The following COL6A3 variants were observed in gnomAD, a reference collection of about 807,000 sequenced individuals.
The protein encoded by COL6A3 is collagen alpha-3(VI) chain.
A neutral mutation model predicts 274.1 loss-of-function variants in COL6A3; 137 were observed. That is an observed-to-expected ratio of 0.50 (90% confidence interval 0.44 to 0.58). COL6A3 has a LOEUF of 0.58. Among genes scored for constraint, COL6A3 ranks in the 20% least tolerant of loss-of-function variants. The probability of loss-of-function intolerance (pLI) is 0.00; values close to 1 mark genes in which losing one functional copy is unlikely to be tolerated. For synonymous variants in COL6A3, 1,650 were observed against 1,650.6 expected, an observed-to-expected ratio of 1.00 and a Z score of 0.01; for missense variants, 3,950 against 4,124.9, an observed-to-expected ratio of 0.96 and a Z score of 1.16.
rs80185031 is a variant in COL6A3 at position 237,372,562 on chromosome 2, T to A, written c.3680-225A>T. ...CGACGGAGGCAGAATCAGAAGAGCC[T>A]CATCAGCACCAGCGAGGATGGTACT... On this transcript the variant is annotated intron_variant, in intron 8 of 43. Coordinates refer to ENST00000295550, the MANE Select transcript of COL6A3 (RefSeq NM_004369.4). 0.012 allele frequency among the ~76,000 whole-genome samples: 1,783 copies of A among 152,254 alleles called. 35 individuals are homozygous for A. Among genetic ancestry groups the A allele is most frequent in the African/African-American group, 0.041 (1,699 of 41,544 alleles).
Position 237,340,691 on chromosome 2 carries a change from A to C in COL6A3, c.8225T>G (p.Met2742Arg). 6.2e-7 allele frequency: 1 copy of C among 1,614,218 alleles called. No individual in the cohort carries two copies. Among genetic ancestry groups the C allele is most frequent in the South Asian group, 1.1e-5 (1 of 91,086 alleles). The change falls in exon 38 of 44, where the codon ATG becomes AGG. Residue 2742 changes from methionine (M) to arginine (R), a missense_variant. By Grantham distance (91) the Met-to-Arg change is moderately conservative (BLOSUM62 -1). This residue lies in a region of COL6A3 where 1,284 missense variants were observed against 1,349.7 expected (regional missense o/e 0.95). Transcript: ENST00000295550. Reference sequence around the variant, plus strand: ...CTGCTCCGGCACCTCGCCCGTCAGCATCAGGACCACAATTTTCAGGTCCCG... The same window carrying C: ...CTGCTCCGGCACCTCGCCCGTCAGCCTCAGGACCACAATTTTCAGGTCCCG... ...NPRDLKIVVL[M>R]LTGEVPEQQL...
intron 7 of COL6A3, 127 bp downstream of exon 7, chr2:237,376,645 A>G (rs1574714326): frequency 1.1e-6 from 1 of 919,386 alleles, no homozygotes; most frequent in East Asian, 2.4e-5. Context: ...CCAGCAGGTG[A>G]TTAATTTTCC....
intron 13 of COL6A3, 55 bp from the exon 14 acceptor site, chr2:237,363,453 G>A (rs1221754884): frequency 3.8e-6 from 6 of 1,599,860 alleles, no homozygotes; most frequent in Non-Finnish European, 5.1e-6. Context: ...AAAATGCAAT[G>A]TCCTTTTTTC....
intron 32 of COL6A3, 124 bp from the exon 33 acceptor site, chr2:237,345,337 A>T: frequency 1.2e-6 from 1 of 857,908 alleles, no homozygotes; most frequent in Non-Finnish European, 2.0e-6. Context: ...GATTGTTTAC[A>T]GCCTCTCCCT....
At chr2:237,401,303 G>T (rs2078583000) in intron 1 of COL6A3, among the ~76,000 whole-genome samples, 1 of 152,148 alleles carries the variant, frequency 6.6e-6, no homozygotes, top group Non-Finnish European at 1.5e-5. Flanking sequence ...GTTCATTTCA[G>T]CATTATTTGT....
Position 237,341,003 on chromosome 2 carries a change from A to T in COL6A3, c.7913T>A (p.Met2638Lys). ...ETTTLFQFNE[M>K]KKYIAYLVRQ... ...GACCAGGTACGCTATGTACTTCTTC[A>T]TCTCATTGAACTGGAACAGGGTGGT... Residue 2638 changes from methionine (M) to lysine (K), a missense_variant, in exon 38 of 44, where the codon ATG becomes AAG. By Grantham distance (95) the Met-to-Lys change is moderately conservative. Coordinates refer to ENST00000295550, the MANE Select transcript of COL6A3 (RefSeq NM_004369.4). 1 of 1,614,140 alleles carries T rather than the reference A, an allele frequency of 6.2e-7. No individual in the cohort carries two copies. The highest frequency in any genetic ancestry group is 8.5e-7 in the Non-Finnish European group (1 of 1,180,026).
At position 237,348,655 on chromosome 2, in the gene COL6A3, G is replaced by A. The variant is rs762210213; in HGVS notation, c.6888C>T (p.Asp2296=). 6.6e-5 allele frequency: 106 copies of A among 1,613,898 alleles called. No individual in the cohort carries two copies. Among genetic ancestry groups the A allele is most frequent in the Non-Finnish European group, 8.3e-5 (98 of 1,179,958 alleles). ...NRGPRGETGD[D]GRDGVGSEGR... Reference sequence around the variant, plus strand: ...CTTCACTGCCAACTCCGTCTCTCCCGTCATCTCCCTAAGAGTGGGAAAGAG... The same window carrying A: ...CTTCACTGCCAACTCCGTCTCTCCCATCATCTCCCTAAGAGTGGGAAAGAG... The change falls in exon 29 of 44, where the codon GAC becomes GAT. Residue 2296 remains aspartate (D), a synonymous_variant. Coordinates refer to ENST00000295550, the MANE Select transcript of COL6A3 (RefSeq NM_004369.4).
At chr2:237,394,394 G>A (rs1470748120) in intron 3 of COL6A3, among the ~76,000 whole-genome samples, 193 bp downstream of exon 3, 1 of 152,218 alleles carries the variant, frequency 6.6e-6, no homozygotes, top group East Asian at 1.9e-4. Flanking sequence ...CTTCTTGTAT[G>A]TAGGTGAATG....
chr2:237,335,587 G>A (rs1700496990), intron 40 of COL6A3, among the ~76,000 whole-genome samples: 1 of 152,154 alleles, frequency 6.6e-6, no homozygotes, highest in South Asian at 2.1e-4. Context: ...TCAAGCTGCT[G>A]GACTGAACAC....
At position 237,381,134 on chromosome 2, in the gene COL6A3, T is replaced by C. The variant is rs747570600; in HGVS notation, c.1678A>G (p.Lys560Glu). The change falls in exon 5 of 44, where the codon AAG (lysine) becomes GAG (glutamate). Residue 560 changes from lysine to glutamate, a missense_variant. Coordinates refer to ENST00000295550, the MANE Select transcript of COL6A3 (RefSeq NM_004369.4). ...PKLLVLITGG[K>E]SLDEISQPAQ... is the part of the protein sequence containing the mutation. ...GGCTGGCTGATTTCATCTAGGGACT[T>C]ACCACCTGTGATCAGCACCAAAAGC... 4 of 1,614,262 alleles carry C rather than the reference T, an allele frequency of 2.5e-6. No homozygotes were observed. The highest frequency in any genetic ancestry group is 3.4e-6 in the Non-Finnish European group (4 of 1,180,050).
Position 237,341,197 on chromosome 2 carries a change from G to T in COL6A3, c.7766-47C>A, listed in dbSNP as rs575544658. 3.9e-6 allele frequency: 6 copies of T among 1,522,498 alleles called. No individual in the cohort carries two copies. The South Asian group carries it at 5.6e-5, about 14-fold the overall frequency. 94.3% of individuals were successfully genotyped at this position (1,522,498 alleles called of 1,614,324 possible). ...TATTTGTTCTGTGACACCCACAGCA[G>T]GATACACAGCTCATCAATCTGCTGG... On this transcript the variant is annotated intron_variant, in intron 37 of 43. Coordinates refer to ENST00000295550, the MANE Select transcript of COL6A3 (RefSeq NM_004369.4).
rs147027777 is a variant in COL6A3 at position 237,387,933 on chromosome 2, T to C, written c.961A>G (p.Asn321Asp). Residue 321 changes from asparagine (N) to aspartate (D), a missense_variant, in exon 4 of 44, where the codon AAT becomes GAT. By Grantham distance (23) the Asn-to-Asp change is conservative. Around this residue, in one of 5 missense-constraint regions of COL6A3, gnomAD observed 1,934 missense variants for 1,984.3 expected, o/e 0.97. Coordinates refer to ENST00000295550, the MANE Select transcript of COL6A3 (RefSeq NM_004369.4). ...ALGFAGGELANIGLALDFVVE... is the reference protein window; with the variant it reads ...ALGFAGGELADIGLALDFVVE... ...ACGAAATCAAGGGCGAGGCCGATAT[T>C]GGCCAACTCCCCACCAGCAAACCCG... The C allele has an allele frequency of 3.7e-6, 6 of 1,614,202 alleles. No homozygotes were observed. Among genetic ancestry groups the C allele is most frequent in the Non-Finnish European group, 5.1e-6 (6 of 1,180,030 alleles).
chr2:237,342,248 A>C, intron 36 of COL6A3, 87 bp from the exon 37 acceptor site: 1 of 1,003,820 alleles, frequency 1.0e-6, no homozygotes, highest in Non-Finnish European at 1.6e-6. Flanking sequence ...TCAAAGCTAC[A>C]TCAATAAAAT....
intron 5 of COL6A3, among the ~76,000 whole-genome samples, chr2:237,380,567 G>T (rs1385280274): frequency 1.3e-5 from 2 of 152,192 alleles, no homozygotes; most frequent in Non-Finnish European, 2.9e-5. Flanking sequence ...GTGATGAGGA[G>T]GAGACTGGAC....
In COL6A3 at chr2:237,387,882, CT is replaced by C. The variant is rs755986884; in HGVS notation, c.1011del (p.Gly339AlafsTer15). On this transcript the variant is annotated frameshift_variant, in exon 4 of 44. Coordinates refer to ENST00000295550, the MANE Select transcript of COL6A3 (RefSeq NM_004369.4). LOFTEE classifies it high-confidence loss of function. ...DFVVENHFTRAGGSRVEEGVP... is the reference protein window; with the variant it reads ...DFVVENHFTRXGGSRVEEGVP... ...ACCCCTTCCTCCACGCGGCTGCCCC[CT>C]GCCCGGGTGAAGTGGTTCTCCACCA... The C allele has an allele frequency of 2.5e-6, 4 of 1,614,130 alleles. No homozygotes were observed. Among genetic ancestry groups the C allele is most frequent in the Non-Finnish European group, 3.4e-6 (4 of 1,179,996 alleles).
At chr2:237,385,736 C>T (rs150631054) in intron 4 of COL6A3, among the ~76,000 whole-genome samples, 6 of 152,290 alleles carry the variant, frequency 3.9e-5, no homozygotes, top group South Asian at 2.1e-4. Context: ...AGTCACAAAA[C>T]GGCACCATGA....
Position 237,350,174 on chromosome 2 carries a change from G to T in COL6A3, c.6852C>A (p.Ile2284=), listed in dbSNP as rs374952003. 1 of 1,614,000 alleles carries T rather than the reference G, an allele frequency of 6.2e-7. No homozygotes were observed. Among genetic ancestry groups the T allele is most frequent in the Admixed American group, 1.7e-5 (1 of 59,994 alleles). The stretch of plus-strand genomic sequence containing the variant: ...TCTCCCCACGAGGGCCCCGGTTCCC[G>T]ATTCCTCCTTTTGGTCCTGGCTCTC... ...EPGEPGPKGG[I]GNRGPRGETG... Residue 2284 remains isoleucine, a synonymous_variant, in exon 28 of 44, where the codon ATC becomes ATA. Coordinates refer to ENST00000295550, the MANE Select transcript of COL6A3 (RefSeq NM_004369.4).
At chr2:237,384,468 AG>A (rs966643457) in intron 4 of COL6A3, among the ~76,000 whole-genome samples, 17 of 151,852 alleles carry the variant, frequency 1.1e-4, no homozygotes, top group Non-Finnish European at 4.4e-5. Flanking sequence ...CACCTCCATC[AG>A]ACTCTCCTGA....
intron 25 of COL6A3, 81 bp downstream of exon 25, chr2:237,353,260 C>A: frequency 1.4e-6 from 2 of 1,384,694 alleles, no homozygotes; most frequent in Non-Finnish European, 2.0e-6. Context: ...GTTAACTTTC[C>A]GGATATAAAT....
Sources: gnomAD v4.1 joint callset for allele counts (sites outside exome capture counted in the v4.1 genomes callset) on GRCh38, gnomAD v4.1.1 for gene constraint, gnomAD v4.1.1 regional missense constraint, MANE v1.5 for transcripts, NCBI Gene and HGNC (gene_info 2026-07-23, HGNC 2026-07-21) for gene names.